The following ADGB variants were observed in gnomAD, a reference collection of about 807,000 sequenced individuals.
The protein encoded by ADGB is calpain-7-like protein.
Under a neutral mutation model 210.5 loss-of-function variants are expected in ADGB, and 172 were observed. The observed-to-expected ratio is 0.82, with a 90% CI of 0.72 to 0.93. ADGB has a LOEUF of 0.93. ADGB is among the 40% of genes least tolerant of loss of function. The pLI is 0.00. For synonymous variants in ADGB, 658 were observed against 662.7 expected, an observed-to-expected ratio of 0.99 and a Z score of 0.11; for missense variants, 2,025 against 1,964.8, an observed-to-expected ratio of 1.03 and a Z score of -0.58.
rs770145856 is a variant in ADGB, at chr6:146,815,101, G to A, written c.4888G>A (p.Ala1630Thr). The A allele has an allele frequency of 5.2e-6, 8 of 1,548,606 alleles. No homozygotes were observed. In the African/African-American group the frequency reaches 9.6e-5, roughly 19 times the overall value. ...AGAGTACAGAAACAAATTGCTGGAA[G>A]CTGAGCACCTAAAGCTGGAAACTCT... ...REEYRNKLLEAEHLKLETLAA... is the reference protein window; with the variant it reads ...REEYRNKLLETEHLKLETLAA... Residue 1630 changes from alanine (A) to threonine (T), a missense_variant, in exon 36 of 36, where the codon GCT (alanine) becomes ACT (threonine). By Grantham distance (58) the Ala-to-Thr change is moderately conservative (BLOSUM62 0). Transcript: ENST00000397944.
In ADGB at chr6:146,672,851, C is replaced by T. The variant is rs111988735; in HGVS notation, c.1087+384C>T. 8.3e-3 allele frequency among the ~76,000 whole-genome samples: 1,255 copies of T among 152,030 alleles called. 14 individuals are homozygous for T. The highest frequency in any genetic ancestry group is 0.028 in the African/African-American group (1,170 of 41,468). On this transcript the variant is annotated intron_variant, in intron 8 of 35. Transcript: ENST00000397944. ...GATCAAGTGATTCGCCTGCCTCAGC[C>T]TCCCAAGTAGCTGGGGTTACAGGCG...
intron 27 of ADGB, among the ~76,000 whole-genome samples, chr6:146,752,950 C>A (rs540315901): frequency 6.6e-6 from 1 of 151,812 alleles, no homozygotes; most frequent in Non-Finnish European, 1.5e-5. Flanking sequence ...ATTATATGAG[C>A]CTTCTTAATA....
At chr6:146,731,565 A>G (rs1009313906) in intron 20 of ADGB, among the ~76,000 whole-genome samples, 2 of 152,060 alleles carry the variant, frequency 1.3e-5, no homozygotes, top group Non-Finnish European at 2.9e-5. Context: ...GGTTGCTGCA[A>G]TTACTCATTT....
In ADGB at chr6:146,628,780, A is replaced by G. The variant is rs943753873; in HGVS notation, c.75-6595A>G. On this transcript the variant is annotated intron_variant, in intron 1 of 35. Coordinates refer to ENST00000397944, the MANE Select transcript of ADGB (RefSeq NM_024694.4). ...AAGAAGTTTCTCTGAATTGCCTCAC[A>G]CTGGGCACAATGTCCCCCTCTTTAT... Among the ~76,000 whole-genome samples the G allele has an allele frequency of 4.3e-4, 66 of 151,928 alleles. 2 individuals are homozygous for G. Among genetic ancestry groups the G allele is most frequent in the Admixed American group, 6.6e-5 (1 of 15,210 alleles).
At chr6:146,774,965 G>A (rs73583062) in intron 29 of ADGB, among the ~76,000 whole-genome samples, 4,135 of 152,122 alleles carry the variant, frequency 0.027, 171 homozygotes, top group African/African-American at 0.093. Context: ...TAGAGATGGG[G>A]TTTAACCATT....
intron 9 of ADGB, among the ~76,000 whole-genome samples, chr6:146,681,256 A>T (rs1163649331): frequency 1.3e-5 from 2 of 151,970 alleles, no homozygotes; most frequent in Non-Finnish European, 2.9e-5. Context: ...GGTCGTTTAA[A>T]ACTGTGTAAC....
intron 11 of ADGB, among the ~76,000 whole-genome samples, 169 bp downstream of exon 11, chr6:146,691,459 A>AAAATATATATAT (rs1776319586): frequency 1.3e-4 from 6 of 44,720 alleles, no homozygotes; most frequent in African/African-American, 1.2e-3. Context: ...TATATATATA[A>AAAATATATATAT]AAATATATAT....
chr6:146,734,986 G>A (rs915057782), intron 22 of ADGB, among the ~76,000 whole-genome samples: 2 of 151,748 alleles, frequency 1.3e-5, no homozygotes, highest in African/African-American at 4.8e-5. Context: ...ATTTTGATAG[G>A]AGAAGCCTTA....
rs890897298 is a variant in ADGB at position 146,763,911 on chromosome 6, C to T, written c.3561C>T (p.His1187=). The T allele has an allele frequency of 5.2e-6, 8 of 1,550,560 alleles. No individual in the cohort carries two copies. The African/African-American group carries it at 6.8e-5, about 13-fold the overall frequency. The change falls in exon 28 of 36, where the codon CAC becomes CAT. Residue 1187 remains histidine, a synonymous_variant. Transcript: ENST00000397944. ...ATTTCTCCTATTCAGCTAGCAAGCA[C>T]ATTCTTTCATTTCACTCTGCATCCA... The part of the protein sequence containing the change: ...EKGLSSQSSK[H]ILSFHSASKK...
intron 9 of ADGB, among the ~76,000 whole-genome samples, chr6:146,682,086 A>C (rs1467466587): frequency 6.6e-6 from 1 of 152,126 alleles, no homozygotes; most frequent in East Asian, 1.9e-4. Flanking sequence ...ACTAAATATC[A>C]CATCTGAAAA....
At chr6:146,783,763 A>G (rs926697007) in intron 30 of ADGB, among the ~76,000 whole-genome samples, 1 of 152,174 alleles carries the variant, frequency 6.6e-6, no homozygotes, top group Non-Finnish European at 1.5e-5. Flanking sequence ...GTAAAGTGCT[A>G]TGTAACCACA....
At position 146,799,058 on chromosome 6, in the gene ADGB, CAAAAA is replaced by C. The variant is rs71552962; in HGVS notation, c.4538-2108_4538-2104del. On this transcript the variant is annotated intron_variant, in intron 33 of 35. Transcript: ENST00000397944. The stretch of plus-strand genomic sequence containing the variant: ...TAATCCCAAAACTTATATGGAAATG[CAAAAA>C]AAAAAAAAAAAAAAAACAGAAAAGC... Among the ~76,000 whole-genome samples, 89 of 63,516 alleles carry C rather than the reference CAAAAA, an allele frequency of 1.4e-3. 2 individuals carry two copies. The highest frequency in any genetic ancestry group is 5.1e-3 in the African/African-American group (77 of 15,056). 41.7% of individuals were successfully genotyped at this position (63,516 alleles called of 152,430 possible). A position where few individuals can be genotyped will look rare whatever the true frequency, so the allele number is the denominator to read the frequency against.
At chr6:146,744,116 A>T (rs1777195506) in intron 25 of ADGB, among the ~76,000 whole-genome samples, 1 of 152,102 alleles carries the variant, frequency 6.6e-6, no homozygotes. Flanking sequence ...AGTAATTCTG[A>T]CCCACAAAAC....
chr6:146,745,910 T>C lies in ADGB; in HGVS notation c.3178-12T>C. 6.5e-7 allele frequency: 1 copy of C among 1,530,028 alleles called. No homozygotes were observed. The highest frequency in any genetic ancestry group is 8.8e-7 in the Non-Finnish European group (1 of 1,134,112). 94.8% of individuals were successfully genotyped at this position (1,530,028 alleles called of 1,614,324 possible). On this transcript the variant is annotated splice_polypyrimidine_tract_variant and intron_variant, in intron 25 of 35. Coordinates refer to ENST00000397944, the MANE Select transcript of ADGB (RefSeq NM_024694.4). Reference sequence around the variant, plus strand: ...ACATAATTCATTTCTGTGTAATTTGTCTTTCTTATAGAAGGGATACACTTT... The same window carrying C: ...ACATAATTCATTTCTGTGTAATTTGCCTTTCTTATAGAAGGGATACACTTT...
intron 21 of ADGB, 36 bp from the exon 22 acceptor site, chr6:146,733,857 T>A (rs1777039674): frequency 3.9e-6 from 6 of 1,550,698 alleles, no homozygotes; most frequent in Non-Finnish European, 5.2e-6. Flanking sequence ...GGATTAAATA[T>A]AACTTTCAGT....
chr6:146,692,047 G>C (rs1305524274), intron 11 of ADGB, among the ~76,000 whole-genome samples: 1 of 151,942 alleles, frequency 6.6e-6, no homozygotes, highest in Non-Finnish European at 1.5e-5. Context: ...GTTATATTTT[G>C]GTTAAATTTG....
At chr6:146,708,490 G>A (rs1246194864) in intron 13 of ADGB, among the ~76,000 whole-genome samples, 2 of 151,932 alleles carry the variant, frequency 1.3e-5, no homozygotes, top group East Asian at 3.9e-4. Flanking sequence ...TTTAAGTACA[G>A]TATACTTTCT....
chr6:146,812,837 G>C (rs1164625816), intron 35 of ADGB, among the ~76,000 whole-genome samples: 1 of 152,194 alleles, frequency 6.6e-6, no homozygotes, highest in African/African-American at 2.4e-5. Flanking sequence ...GAACAACTTG[G>C]ACAGTGAAGC....
rs2114647818 is a variant in ADGB at position 146,785,545 on chromosome 6, G to A, written c.4213-65G>A. On this transcript the variant is annotated intron_variant, in intron 31 of 35. Transcript: ENST00000397944. Reference sequence around the variant, plus strand: ...GTTTTCGATTGAATACCATTAACATGTATTACCTGTACTGGTTGTTGCTTT... The same window carrying A: ...GTTTTCGATTGAATACCATTAACATATATTACCTGTACTGGTTGTTGCTTT... 2.4e-6 allele frequency: 3 copies of A among 1,245,150 alleles called. No homozygotes were observed. The South Asian group carries it at 4.1e-5, about 17-fold the overall frequency. 77.1% of individuals were successfully genotyped at this position (1,245,150 alleles called of 1,614,324 possible). A position where few individuals can be genotyped will look rare whatever the true frequency, so the allele number is the denominator to read the frequency against.
Sources: allele counts gnomAD v4.1 joint callset (sites outside exome capture counted in the v4.1 genomes callset), GRCh38; gene constraint gnomAD v4.1.1; transcripts MANE v1.5; gene names NCBI Gene and HGNC (gene_info 2026-07-23, HGNC 2026-07-21).